MRPL40: variants seen among roughly 807,000 people sequenced by gnomAD.
MRPL40 encodes the protein mitochondrial ribosomal protein L40, also known as large ribosomal subunit protein mL40.
MRPL40 carries 18 observed loss-of-function variants against 24.5 expected under a neutral mutation model. The observed-to-expected ratio is 0.73, with a 90% confidence interval of 0.51 to 1.09. MRPL40 has a LOEUF of 1.09. Ranked by LOEUF, MRPL40 falls within the 50% of genes least tolerant of loss-of-function variation. The pLI, the probability that MRPL40 is intolerant of heterozygous loss-of-function variation, is 0.00. For missense variants in MRPL40, 256 were observed against 243.8 expected (o/e 1.05, Z -0.33); for synonymous variants, 108 against 94.6 (o/e 1.14, Z -0.82).
In MRPL40 at chr22:19,435,932, G is replaced by A. The variant is rs1569320299; in HGVS notation, c.591G>A (p.Lys197=). ...AAGGCAGGTACAATGACATCACCAA[G>A]GTGTACACACAAGTGGAGTTTAAGA... ...PPEGRYNDIT[K]VYTQVEFKR The change falls in exon 4 of 4, where the codon AAG becomes AAA. Residue 197 remains lysine (K), a synonymous_variant. Transcript: ENST00000333130. 1 of 1,614,060 alleles carries A rather than the reference G, an allele frequency of 6.2e-7. No individual in the cohort carries two copies. The highest frequency in any genetic ancestry group is 1.7e-5 in the Admixed American group (1 of 60,006).
intron 3 of MRPL40, among the ~76,000 whole-genome samples, chr22:19,435,324 G>A (rs1395110377): frequency 5.9e-5 from 9 of 152,184 alleles, no homozygotes; most frequent in South Asian, 2.1e-4. Flanking sequence ...TCCTGCTGCC[G>A]TTTTGTAAGC....
In MRPL40 at chr22:19,435,980, C is replaced by CT. The variant is rs769251931; in HGVS notation, c.*20dup. On this transcript the variant is annotated 3_prime_UTR_variant, in exon 4 of 4. Coordinates refer to ENST00000333130, the MANE Select transcript of MRPL40 (RefSeq NM_003776.4). ...AGAGATAGACTTGCAGGCTGCTATC[C>CT]TTAACATGCTGCCCCTGAGAGTAGG... The CT allele has an allele frequency of 2.4e-5, 38 of 1,586,966 alleles. No homozygotes were observed. The highest frequency in any genetic ancestry group is 3.2e-5 in the Non-Finnish European group (37 of 1,159,940).
Position 19,432,563 on chromosome 22 carries a change from C to G in MRPL40, c.9C>G (p.Ala3=). ...AAGCGGCGAGGGTAGCCATGACGGC[C>G]TCCGTGCTGCGAAGTATCTCGCTAG... is the stretch of plus-strand genomic sequence containing the variant. MT[A]SVLRSISLAL... Residue 3 remains alanine (A), a synonymous_variant, in exon 1 of 4, where the codon GCC becomes GCG. Coordinates refer to ENST00000333130, the MANE Select transcript of MRPL40 (RefSeq NM_003776.4). The G allele has an allele frequency of 1.9e-6, 3 of 1,550,720 alleles. No individual in the cohort carries two copies. The highest frequency in any genetic ancestry group is 2.6e-6 in the Non-Finnish European group (3 of 1,148,648).
chr22:19,434,685 A>G, intron 2 of MRPL40, 51 bp from the exon 3 acceptor site: 1 of 1,460,886 alleles, frequency 6.8e-7, no homozygotes, highest in Non-Finnish European at 9.2e-7. Context: ...GTCTCTCAGT[A>G]GGTTCATGAG....
intron 2 of MRPL40, among the ~76,000 whole-genome samples, chr22:19,434,472 C>G (rs1419958411): frequency 6.6e-6 from 1 of 152,118 alleles, no homozygotes; most frequent in East Asian, 1.9e-4. Context: ...ATCTGCCCGC[C>G]TTTGCCTCCC....
Position 19,433,361 on chromosome 22 carries a change from C to T in MRPL40, c.137+13C>T, listed in dbSNP as rs999967057. On this transcript the variant is annotated intron_variant, in intron 2 of 3. Transcript: ENST00000333130. Reference sequence around the variant, plus strand: ...TCATTCCCATGAGGTAAAACTCAATCGAGGGCCTGACCTCTGGGGGTAAAG... The same window carrying T: ...TCATTCCCATGAGGTAAAACTCAATTGAGGGCCTGACCTCTGGGGGTAAAG... 2 of 1,538,096 alleles carry T rather than the reference C, an allele frequency of 1.3e-6. No individual in the cohort carries two copies. The highest frequency in any genetic ancestry group is 1.8e-6 in the Non-Finnish European group (2 of 1,111,144).
Position 19,432,571 on chromosome 22 carries a change from T to C in MRPL40, c.17T>C (p.Leu6Pro). 2 of 1,552,940 alleles carry C rather than the reference T, an allele frequency of 1.3e-6. No homozygotes were observed. The highest frequency in any genetic ancestry group is 1.7e-6 in the Non-Finnish European group (2 of 1,149,796). The change falls in exon 1 of 4, where the codon CTG becomes CCG. Residue 6 changes from leucine (L) to proline (P), a missense_variant. Physicochemically the swap from Leu to Pro is moderately conservative, Grantham distance 98. Coordinates refer to ENST00000333130, the MANE Select transcript of MRPL40 (RefSeq NM_003776.4). ...AGGGTAGCCATGACGGCCTCCGTGCTGCGAAGTATCTCGCTAGCCCTGCGC... is the reference window on the plus strand; with the variant it reads ...AGGGTAGCCATGACGGCCTCCGTGCCGCGAAGTATCTCGCTAGCCCTGCGC... MTASV[L>P]RSISLALRPT...
At position 19,434,717 on chromosome 22, in the gene MRPL40, T is replaced by C. The variant is rs1443773687; in HGVS notation, c.138-19T>C. On this transcript the variant is annotated intron_variant, in intron 2 of 3. Transcript: ENST00000333130. ...TGAGACCAAAGAGGAAAATGTTTAA[T>C]ATTTGCTTTATCTATTAGATCAGAA... The C allele has an allele frequency of 4.5e-6, 7 of 1,569,526 alleles. No homozygotes were observed. Among genetic ancestry groups the C allele is most frequent in the Admixed American group, 2.0e-5 (1 of 48,846 alleles).
chr22:19,432,895 ATTT>A, intron 1 of MRPL40: 1 of 1,282,582 alleles, frequency 7.8e-7, no homozygotes, highest in East Asian at 3.2e-5. Flanking sequence ...GAGCATTGCA[ATTT>A]TTTATTTTCC....
intron 2 of MRPL40, 128 bp downstream of exon 2, chr22:19,433,476 G>C: frequency 1.7e-6 from 1 of 581,698 alleles, no homozygotes. Context: ...GTTAAATTTA[G>C]GCCGATGCTT....
chr22:19,433,822 G>GT (rs2089568250), intron 2 of MRPL40, among the ~76,000 whole-genome samples: 1 of 152,060 alleles, frequency 6.6e-6, no homozygotes, highest in Non-Finnish European at 1.5e-5. Context: ...GAGTGCAGTG[G>GT]TGTGACCTCG....
chr22:19,434,215 ACTTTT>A (rs2089571249), intron 2 of MRPL40, among the ~76,000 whole-genome samples: 1 of 102,730 alleles, frequency 9.7e-6, no homozygotes, highest in African/African-American at 4.2e-5. Context: ...TTGCTTTTGT[ACTTTT>A]TTTTTTTTTT....
In MRPL40 at chr22:19,433,295, A is replaced by G; in HGVS notation, c.84A>G (p.Arg28=). ...GLLGTWQTQL[R]ETHQRASLLS... ...TGGGAACTTGGCAGACGCAGCTTAG[A>G]GAGACTCACCAGCGAGCGTCATTGT... The change falls in exon 2 of 4, where the codon AGA becomes AGG. Residue 28 remains arginine (R), a synonymous_variant. Transcript: ENST00000333130. 2.5e-6 allele frequency: 4 copies of G among 1,613,202 alleles called. No homozygotes were observed. The highest frequency in any genetic ancestry group is 3.4e-6 in the Non-Finnish European group (4 of 1,179,240).
chr22:19,435,518 T>C (rs1289442912), intron 3 of MRPL40, 120 bp from the exon 4 acceptor site: 1 of 916,800 alleles, frequency 1.1e-6, no homozygotes, highest in Non-Finnish European at 1.7e-6. Flanking sequence ...ATTTCTTAAT[T>C]TGTCCCAAAC....
rs778609299 is a variant in MRPL40 at position 19,433,285 on chromosome 22, C to G, written c.74C>G (p.Thr25Arg). 3 of 1,612,172 alleles carry G rather than the reference C, an allele frequency of 1.9e-6. No individual in the cohort carries two copies. The highest frequency in any genetic ancestry group is 2.5e-6 in the Non-Finnish European group (3 of 1,178,368). ...PTSGLLGTWQ[T>R]QLRETHQRAS... ...TTCAGGCTTCTGGGAACTTGGCAGA[C>G]GCAGCTTAGAGAGACTCACCAGCGA... The change falls in exon 2 of 4, where the codon ACG becomes AGG. Residue 25 changes from threonine to arginine, a missense_variant. Physicochemically the swap from Thr to Arg is moderately conservative, Grantham distance 71. Coordinates refer to ENST00000333130, the MANE Select transcript of MRPL40 (RefSeq NM_003776.4).
At position 19,432,631 on chromosome 22, in the gene MRPL40, A is replaced by G. The variant is rs373417301; in HGVS notation, c.53+24A>G. 1.3e-3 allele frequency: 2,040 copies of G among 1,544,204 alleles called. 2 individuals carry two copies. The highest frequency in any genetic ancestry group is 1.7e-3 in the Non-Finnish European group (1,920 of 1,144,898). The stretch of plus-strand genomic sequence containing the variant: ...GGGTGAGTGCGGACGCTGGCCGGAT[A>G]GCGGAGTGCCCAGGGCGCGTGCGGG... On this transcript the variant is annotated intron_variant, in intron 1 of 3. Transcript: ENST00000333130.
intron 2 of MRPL40, 64 bp downstream of exon 2, chr22:19,433,412 A>C: frequency 1.0e-6 from 1 of 993,670 alleles, no homozygotes; most frequent in Non-Finnish European, 1.6e-6. Flanking sequence ...TAGAGAACAA[A>C]GCAAGAATGC....
At chr22:19,434,606 A>G in intron 2 of MRPL40, 130 bp from the exon 3 acceptor site, 1 of 673,632 alleles carries the variant, frequency 1.5e-6, no homozygotes, top group Non-Finnish European at 2.5e-6. Flanking sequence ...CACCACGCTG[A>G]GCTCATGAGT....
rs7575 is a variant in MRPL40, at chr22:19,435,727, G to T, written c.386G>T (p.Arg129Leu). 1 of 1,613,790 alleles carries T rather than the reference G, an allele frequency of 6.2e-7. No homozygotes were observed. Among genetic ancestry groups the T allele is most frequent in the Non-Finnish European group, 8.5e-7 (1 of 1,179,968 alleles). Residue 129 changes from arginine to leucine, a missense_variant, in exon 4 of 4, where the codon CGT (arginine) becomes CTT (leucine). Transcript: ENST00000333130. Reference sequence around the variant, plus strand: ...TGGTCCTTGTACAAGCAGCAAGAGCGTAAGATGGAGAGGGACACCATCAGG... The same window carrying T: ...TGGTCCTTGTACAAGCAGCAAGAGCTTAAGATGGAGAGGGACACCATCAGG... ...KKWSLYKQQE[R>L]KMERDTIRAM...
Sources: allele counts gnomAD v4.1 joint callset (sites outside exome capture counted in the v4.1 genomes callset), GRCh38; gene constraint gnomAD v4.1.1; transcripts MANE v1.5; gene names NCBI Gene and HGNC (gene_info 2026-07-23, HGNC 2026-07-21).